Variants in EYS observed in about 807,000 individuals in gnomAD.
The protein encoded by EYS is protein eyes shut homolog.
A neutral mutation model predicts 282.1 loss-of-function variants in EYS; 250 were observed. The ratio of observed to expected loss-of-function variants is 0.89; its 90% CI spans 0.80 to 0.98. The LOEUF (loss-of-function observed/expected upper bound fraction) is 0.98, where lower values mean the gene tolerates loss of function less well. EYS is among the 50% of genes least tolerant of loss of function. The probability of loss-of-function intolerance (pLI) is 0.00; values close to 1 mark genes in which losing one functional copy is unlikely to be tolerated. For missense variants in EYS, 4,016 were observed against 3,709.0 expected, an observed-to-expected ratio of 1.08 and a Z score of -2.15; for synonymous variants, 1,355 against 1,282.9, an observed-to-expected ratio of 1.06 and a Z score of -1.20.
intron 8 of EYS, among the ~76,000 whole-genome samples, chr6:65,374,518 T>G (rs1765286058): frequency 6.6e-6 from 1 of 151,016 alleles, no homozygotes. Context: ...TTTTTTTTCG[T>G]ACCCCACTGA....
At chr6:64,113,331 C>A (rs1032835915) in intron 31 of EYS, among the ~76,000 whole-genome samples, 2 of 152,092 alleles carry the variant, frequency 1.3e-5, no homozygotes, top group African/African-American at 4.8e-5. Flanking sequence ...GTTTGAATCT[C>A]AGATCTGTTA....
At chr6:64,620,409 A>G (rs189765671) in intron 23 of EYS, among the ~76,000 whole-genome samples, 52 of 152,296 alleles carry the variant, frequency 3.4e-4, no homozygotes, top group African/African-American at 1.2e-3. Flanking sequence ...CTGCTAAGAC[A>G]CCCAGAAATG....
intron 19 of EYS, among the ~76,000 whole-genome samples, chr6:64,823,482 G>A (rs762383539): frequency 2.0e-5 from 3 of 151,848 alleles, no homozygotes; most frequent in Non-Finnish European, 4.4e-5. Context: ...GCAAGATTGT[G>A]TTTCGTATGT....
chr6:65,612,620 T>C (rs1286592736), intron 2 of EYS, among the ~76,000 whole-genome samples: 1 of 151,750 alleles, frequency 6.6e-6, no homozygotes, highest in Non-Finnish European at 1.5e-5. Context: ...CATTCTACAA[T>C]ATGAAATGTT....
At chr6:65,175,319 G>T (rs191034495) in intron 12 of EYS, among the ~76,000 whole-genome samples, 1 of 151,342 alleles carries the variant, frequency 6.6e-6, no homozygotes, top group Non-Finnish European at 1.5e-5. Context: ...CACAGGAGAT[G>T]TGCTTAAGCT....
At chr6:64,549,064 G>C (rs1003273552) in intron 26 of EYS, among the ~76,000 whole-genome samples, 1 of 152,026 alleles carries the variant, frequency 6.6e-6, no homozygotes, top group Non-Finnish European at 1.5e-5. Context: ...TATCAAATTC[G>C]GTTCTTTCTT....
intron 12 of EYS, among the ~76,000 whole-genome samples, chr6:65,204,405 TA>T (rs112984476): frequency 1.4e-3 from 183 of 134,966 alleles, no homozygotes; most frequent in Middle Eastern, 4.0e-3. Context: ...TTAGCCTCCT[TA>T]AAAAAAAAAA....
chr6:64,621,236 A>G (rs1767438032), intron 23 of EYS, among the ~76,000 whole-genome samples: 1 of 152,192 alleles, frequency 6.6e-6, no homozygotes, highest in South Asian at 2.1e-4. Context: ...ATTCTATAAC[A>G]TAAGTTATAA....
In EYS at chr6:65,443,162, A is replaced by G. The variant is rs548165062; in HGVS notation, c.863-37795T>C. On this transcript the variant is annotated intron_variant, in intron 5 of 42. Transcript: ENST00000503581. ...ATATATGTACACATCATACACATATATGAGCACATATGTGCACATCATATA... is the reference window on the plus strand; with the variant it reads ...ATATATGTACACATCATACACATATGTGAGCACATATGTGCACATCATATA... Among the ~76,000 whole-genome samples, 4 of 144,808 alleles carry G rather than the reference A, an allele frequency of 2.8e-5. No individual in the cohort carries two copies. In the Admixed American group the frequency reaches 2.9e-4, roughly 10 times the overall value. 95.0% of individuals were successfully genotyped at this position (144,808 alleles called of 152,430 possible).
At chr6:63,725,354 A>G (rs1233181351) in intron 42 of EYS, among the ~76,000 whole-genome samples, 1 of 152,162 alleles carries the variant, frequency 6.6e-6, no homozygotes, top group Non-Finnish European at 1.5e-5. Context: ...TACTGATTAT[A>G]AAACTGTAGT....
intron 26 of EYS, among the ~76,000 whole-genome samples, chr6:64,559,839 C>G (rs1374536563): frequency 1.3e-5 from 2 of 152,000 alleles, no homozygotes; most frequent in Non-Finnish European, 2.9e-5. Flanking sequence ...GTTTGTTGTA[C>G]AGATTATTTC....
intron 36 of EYS, among the ~76,000 whole-genome samples, chr6:63,812,666 T>C (rs1352428544): frequency 6.6e-6 from 1 of 152,096 alleles, no homozygotes; most frequent in Admixed American, 6.6e-5. Context: ...CATAGTAATA[T>C]ATATTATGAT....
chr6:64,337,611 C>G (rs983348635), intron 29 of EYS, among the ~76,000 whole-genome samples: 3 of 151,802 alleles, frequency 2.0e-5, no homozygotes, highest in Admixed American at 1.3e-4. Flanking sequence ...AAGAGGGAAC[C>G]CTCCCTAATT....
intron 31 of EYS, among the ~76,000 whole-genome samples, chr6:64,084,963 A>G (rs78382922): frequency 0.01 from 1,576 of 152,026 alleles, 26 homozygotes; most frequent in African/African-American, 0.036. Flanking sequence ...CTCCTGCCCT[A>G]CTGTATGTGG....
chr6:63,956,931 C>T (rs780770347), intron 35 of EYS, among the ~76,000 whole-genome samples: 27 of 152,156 alleles, frequency 1.8e-4, no homozygotes, highest in Admixed American at 6.6e-5. Context: ...CATGAAACTA[C>T]AAATTTAACC....
chr6:64,489,082 C>A (rs1336972836), intron 26 of EYS, among the ~76,000 whole-genome samples: 1 of 150,784 alleles, frequency 6.6e-6, no homozygotes, highest in Non-Finnish European at 1.5e-5. Flanking sequence ...CATAGAAAGA[C>A]AAAAGAACTA....
At chr6:64,698,865 C>T (rs1770678479) in intron 22 of EYS, among the ~76,000 whole-genome samples, 1 of 152,144 alleles carries the variant, frequency 6.6e-6, no homozygotes, top group African/African-American at 2.4e-5. Flanking sequence ...CATACCTATA[C>T]ACTATTGGTG....
chr6:63,830,026 A>T (rs567890941), intron 36 of EYS, among the ~76,000 whole-genome samples: 3 of 152,348 alleles, frequency 2.0e-5, no homozygotes, highest in African/African-American at 7.2e-5. Flanking sequence ...GAAAACTAAC[A>T]AACAGAAAGG....
intron 12 of EYS, among the ~76,000 whole-genome samples, chr6:65,225,205 AAATAT>A (rs1481849471): frequency 3.3e-5 from 5 of 151,168 alleles, no homozygotes; most frequent in African/African-American, 1.2e-4. Flanking sequence ...CAGAGAATTG[AAATAT>A]AATAATCAAC....
Sources: allele counts gnomAD v4.1 joint callset (sites outside exome capture counted in the v4.1 genomes callset), GRCh38; gene constraint gnomAD v4.1.1; transcripts MANE v1.5; gene names NCBI Gene and HGNC (gene_info 2026-07-23, HGNC 2026-07-21).